Variants in MSH4 observed in about 807,000 individuals in gnomAD.
MSH4 encodes mutS protein homolog 4.
MSH4 carries 106 observed loss-of-function variants against 113.7 expected under a neutral mutation model. That is an observed-to-expected ratio of 0.93 (90% CI 0.80 to 1.10). The LOEUF is 1.10. Ranked by LOEUF, MSH4 falls within the 50% of genes least tolerant of loss-of-function variation. The probability of loss-of-function intolerance (pLI) is 0.00; values close to 1 mark genes in which losing one functional copy is unlikely to be tolerated. For synonymous variants in MSH4, 368 were observed against 380.2 expected (o/e 0.97, Z 0.37); for missense variants, 1,061 against 1,093.7 (o/e 0.97, Z 0.42).
intron 7 of MSH4, among the ~76,000 whole-genome samples, chr1:75,848,004 A>G (rs1434094653): frequency 6.6e-6 from 1 of 152,184 alleles, no homozygotes; most frequent in Non-Finnish European, 1.5e-5. Context: ...TTAAATTTTG[A>G]GGTGAGATTG....
chr1:75,890,335 T>C (rs1218561803), intron 16 of MSH4, among the ~76,000 whole-genome samples: 1 of 152,074 alleles, frequency 6.6e-6, no homozygotes, highest in Non-Finnish European at 1.5e-5. Flanking sequence ...GGATACTTTA[T>C]AGCAGTAATT....
chr1:75,818,814 G>T (rs1462229322), intron 6 of MSH4, among the ~76,000 whole-genome samples: 2 of 152,088 alleles, frequency 1.3e-5, no homozygotes, highest in African/African-American at 4.8e-5. Context: ...CCAGGCTGGA[G>T]TGCAGTGGTG....
At chr1:75,858,028 A>G (rs1236001841) in intron 8 of MSH4, among the ~76,000 whole-genome samples, 9 of 152,178 alleles carry the variant, frequency 5.9e-5, no homozygotes, top group Non-Finnish European at 1.2e-4. Flanking sequence ...CTTAGTAGCA[A>G]TAGTGAATGG....
At chr1:75,801,981 C>G (rs962624848) in intron 1 of MSH4, among the ~76,000 whole-genome samples, 2 of 152,016 alleles carry the variant, frequency 1.3e-5, no homozygotes, top group Non-Finnish European at 1.5e-5. Context: ...CCAGCCTGGG[C>G]AACATGGCAA....
intron 16 of MSH4, 76 bp from the exon 17 acceptor site, chr1:75,890,620 G>A: frequency 1.4e-6 from 1 of 714,606 alleles, no homozygotes; most frequent in Non-Finnish European, 2.2e-6. Context: ...AAGAGACTGG[G>A]TTTCTCCTCA....
At chr1:75,876,042 G>T (rs1268054321) in intron 9 of MSH4, among the ~76,000 whole-genome samples, 1 of 152,070 alleles carries the variant, frequency 6.6e-6, no homozygotes, top group Non-Finnish European at 1.5e-5. Flanking sequence ...AGGTGTACAT[G>T]AAACATAAAT....
At chr1:75,843,946 G>A (rs1278656699) in intron 7 of MSH4, among the ~76,000 whole-genome samples, 1 of 152,002 alleles carries the variant, frequency 6.6e-6, no homozygotes, top group Non-Finnish European at 1.5e-5. Flanking sequence ...CGAGTAGCGG[G>A]GATTACAGGC....
At chr1:75,825,835 G>A (rs936247574) in intron 7 of MSH4, among the ~76,000 whole-genome samples, 1 of 152,116 alleles carries the variant, frequency 6.6e-6, no homozygotes, top group South Asian at 2.1e-4. Context: ...TGGTGGATAA[G>A]CTTTTTGATG....
chr1:75,842,810 A>G (rs1407341820), intron 7 of MSH4, among the ~76,000 whole-genome samples: 2 of 152,110 alleles, frequency 1.3e-5, no homozygotes, highest in African/African-American at 4.8e-5. Context: ...AGACCGGGAA[A>G]GGGAGTCTCC....
rs367588581 is a variant in MSH4, at chr1:75,856,751, T to C, written c.1230+8475T>C. ...TGAATAGTGCTGCAATAAACATACA[T>C]GTACATGTGTCTTTATCGTAGAATG... On this transcript the variant is annotated intron_variant, in intron 8 of 19. Transcript: ENST00000263187. Among the ~76,000 whole-genome samples, 43 of 152,352 alleles carry C rather than the reference T, an allele frequency of 2.8e-4. No individual in the cohort carries two copies. The South Asian group carries it at 8.3e-3, about 29-fold the overall frequency.
intron 7 of MSH4, among the ~76,000 whole-genome samples, chr1:75,829,312 G>T (rs544755731): frequency 2.4e-4 from 37 of 152,328 alleles, no homozygotes; most frequent in African/African-American, 8.7e-4. Context: ...GGAGCCCACC[G>T]CAGCTCAAGG....
At chr1:75,829,383 A>G (rs1650632211) in intron 7 of MSH4, among the ~76,000 whole-genome samples, 1 of 152,216 alleles carries the variant, frequency 6.6e-6, no homozygotes, top group Admixed American at 6.5e-5. Context: ...AACAAAAGGC[A>G]GCAGAAACTT....
At chr1:75,888,432 G>A (rs1384608978) in intron 15 of MSH4, among the ~76,000 whole-genome samples, 1 of 151,806 alleles carries the variant, frequency 6.6e-6, no homozygotes, top group Non-Finnish European at 1.5e-5. Flanking sequence ...AACTTCTTGG[G>A]CAGAAACAGT....
At chr1:75,852,862 A>G (rs1487108095) in intron 8 of MSH4, among the ~76,000 whole-genome samples, 1 of 152,166 alleles carries the variant, frequency 6.6e-6, no homozygotes, top group Non-Finnish European at 1.5e-5. Flanking sequence ...CCCGATCAAA[A>G]AAATGAATAC....
intron 9 of MSH4, 79 bp from the exon 10 acceptor site, chr1:75,876,857 A>G (rs1651827203): frequency 1.3e-6 from 1 of 754,634 alleles, no homozygotes; most frequent in East Asian, 3.0e-5. Context: ...ACTATAAAGT[A>G]TTAAACAACT....
intron 7 of MSH4, among the ~76,000 whole-genome samples, chr1:75,827,043 C>T (rs12407107): frequency 0.26 from 38,872 of 151,718 alleles, 6,264 homozygotes; most frequent in East Asian, 0.68. Context: ...TTGTCAGATT[C>T]GCCAAGGTTG....
intron 5 of MSH4, 142 bp from the exon 6 acceptor site, chr1:75,816,231 T>C (rs1650288717): frequency 4.5e-6 from 2 of 447,430 alleles, no homozygotes; most frequent in South Asian, 1.8e-4. Context: ...TTACCTAGTT[T>C]TCAAAAATAT....
intron 1 of MSH4, among the ~76,000 whole-genome samples, chr1:75,802,866 G>C (rs1649969599): frequency 6.6e-6 from 1 of 152,148 alleles, no homozygotes; most frequent in Non-Finnish European, 1.5e-5. Flanking sequence ...TCTTTGTGCT[G>C]GTGGAGTCTC....
intron 9 of MSH4, among the ~76,000 whole-genome samples, chr1:75,869,316 G>A (rs1443386315): frequency 1.3e-5 from 2 of 152,148 alleles, no homozygotes; most frequent in East Asian, 3.9e-4. Context: ...AGGAAGCAGA[G>A]TATAAAAGTT....
Sources: gnomAD v4.1 joint callset for allele counts (sites outside exome capture counted in the v4.1 genomes callset) on GRCh38, gnomAD v4.1.1 for gene constraint, MANE v1.5 for transcripts, NCBI Gene and HGNC (gene_info 2026-07-23, HGNC 2026-07-21) for gene names.